Variants in ARL1 observed in about 807,000 individuals in gnomAD.
ARL1 encodes ADP-ribosylation factor-like protein 1.
Under a neutral mutation model 30.1 loss-of-function variants are expected in ARL1, and 17 were observed. That is an observed-to-expected ratio of 0.56 (90% CI 0.39 to 0.85). The LOEUF is 0.85. Among genes scored for constraint, ARL1 ranks in the 40% least tolerant of loss-of-function variants. The pLI, the probability that ARL1 is intolerant of heterozygous loss-of-function variation, is 0.00. For missense variants in ARL1, 102 were observed against 212.6 expected (o/e 0.48, Z 3.24); for synonymous variants, 58 against 71.7 (o/e 0.81, Z 0.97).
chr12:101,407,724 A>C lies in ARL1; in HGVS notation c.-79T>G. 2.5e-6 allele frequency: 4 copies of C among 1,602,078 alleles called. No homozygotes were observed. The South Asian group carries it at 4.4e-5, about 18-fold the overall frequency. ...TGCAGCTCCGAGGCGGTTTCCTCGC[A>C]AGCCCAGTCAGCCAGCAACTTCCAC... On this transcript the variant is annotated 5_prime_UTR_variant, in exon 1 of 6. Transcript: ENST00000261636.
At chr12:101,406,802 T>C (rs4359261) in intron 1 of ARL1, among the ~76,000 whole-genome samples, 20,043 of 152,222 alleles carry the variant, frequency 0.13, 1,507 homozygotes, top group Middle Eastern at 0.24. Context: ...CTTTCTACCA[T>C]TTACAGGTAG....
At chr12:101,407,327 GT>G (rs775691685) in intron 1 of ARL1, 1 of 357,524 alleles carries the variant, frequency 2.8e-6, no homozygotes, top group South Asian at 1.4e-4. Context: ...TGCCCAGCAA[GT>G]GGAGCTGGGG....
intron 4 of ARL1, 120 bp downstream of exon 4, chr12:101,400,942 A>T (rs1871289195): frequency 1.4e-6 from 1 of 692,758 alleles, no homozygotes; most frequent in East Asian, 2.8e-5. Flanking sequence ...AATCATTTCC[A>T]TAAAAGAAAA....
At chr12:101,407,487 G>A (rs140358442) in intron 1 of ARL1, 155 bp downstream of exon 1, 19 of 960,550 alleles carry the variant, frequency 2.0e-5, no homozygotes, top group Non-Finnish European at 2.8e-5. Context: ...CACCCCTACA[G>A]ATGAAGATCC....
chr12:101,399,333 G>T (rs1871237970), intron 4 of ARL1, among the ~76,000 whole-genome samples: 1 of 151,796 alleles, frequency 6.6e-6, no homozygotes, highest in Non-Finnish European at 1.5e-5. Context: ...CCAACATGGT[G>T]AAACCCCATC....
chr12:101,394,760 T>C lies in ARL1; in HGVS notation c.*880A>G, dbSNP rs886370284. 1.3e-5 allele frequency: 2 copies of C among 152,236 alleles called. No homozygotes were observed. The highest frequency in any genetic ancestry group is 2.1e-4 in the South Asian group (1 of 4,834). 9.4% of individuals were successfully genotyped at this position (152,236 alleles called of 1,614,324 possible). A position where few individuals can be genotyped will look rare whatever the true frequency, so the allele number is the denominator to read the frequency against. On this transcript the variant is annotated 3_prime_UTR_variant, in exon 6 of 6. Coordinates refer to ENST00000261636, the MANE Select transcript of ARL1 (RefSeq NM_001177.6). ...TAGACAAATAAATTTATAAACATTA[T>C]TTTGAATGTAACTAATTAGCATAAT... is the stretch of plus-strand genomic sequence containing the variant.
intron 5 of ARL1, chr12:101,396,079 G>C (rs1440930324): frequency 1.7e-6 from 1 of 580,274 alleles, no homozygotes; most frequent in Non-Finnish European, 3.0e-6. Flanking sequence ...TAGGAATAGA[G>C]ATACATTAGG....
rs1871078899 is a variant in ARL1 at position 101,393,953 on chromosome 12, G to T, written c.*1687C>A. 1 of 151,360 alleles carries T rather than the reference G, an allele frequency of 6.6e-6. No homozygotes were observed. Among genetic ancestry groups the T allele is most frequent in the Admixed American group, 6.6e-5 (1 of 15,068 alleles). The allele number at this position is 151,360 out of a possible 1,614,324, so 9.4% of individuals were successfully genotyped here. A position where few individuals can be genotyped will look rare whatever the true frequency, so the allele number is the denominator to read the frequency against. The stretch of plus-strand genomic sequence containing the variant: ...ACTGTTTCAACTATGAACATATTCT[G>T]AAATGCCATATGCCAGGCGCCATAC... On this transcript the variant is annotated 3_prime_UTR_variant, in exon 6 of 6. Coordinates refer to ENST00000261636, the MANE Select transcript of ARL1 (RefSeq NM_001177.6).
chr12:101,396,373 A>G, intron 5 of ARL1, 26 bp downstream of exon 5: 2 of 1,613,932 alleles, frequency 1.2e-6, no homozygotes, highest in South Asian at 2.2e-5. Flanking sequence ...AAATGCACAG[A>G]TGGCTTCTGG....
In ARL1 at chr12:101,405,829, C is replaced by A; in HGVS notation, c.142+15G>T. Reference sequence around the variant, plus strand: ...CAGAAAGTCCCTACAATTAGCTCATCATACCAACACTTACTAGGTATAGTA... The same window carrying A: ...CAGAAAGTCCCTACAATTAGCTCATAATACCAACACTTACTAGGTATAGTA... On this transcript the variant is annotated intron_variant, in intron 2 of 5. Transcript: ENST00000261636. 1 of 1,535,020 alleles carries A rather than the reference C, an allele frequency of 6.5e-7. No homozygotes were observed. Among genetic ancestry groups the A allele is most frequent in the South Asian group, 1.3e-5 (1 of 78,638 alleles).
intron 2 of ARL1, 26 bp from the exon 3 acceptor site, chr12:101,402,972 A>G: frequency 6.5e-7 from 1 of 1,538,708 alleles, no homozygotes; most frequent in Non-Finnish European, 9.0e-7. Flanking sequence ...AATCAGTGGT[A>G]TGTGTAGACT....
At chr12:101,397,494 C>T (rs530729763) in intron 4 of ARL1, among the ~76,000 whole-genome samples, 45 of 151,820 alleles carry the variant, frequency 3.0e-4, no homozygotes, top group Non-Finnish European at 2.1e-4. Flanking sequence ...GAGACCCTGT[C>T]TCTTTTTTTT....
At chr12:101,396,189 G>T in intron 5 of ARL1, 1 of 641,386 alleles carries the variant, frequency 1.6e-6, no homozygotes, top group African/African-American at 1.8e-5. Flanking sequence ...CAAAGAATTT[G>T]CTTATCTAAG....
intron 4 of ARL1, among the ~76,000 whole-genome samples, chr12:101,397,300 C>T (rs1055320178): frequency 7.2e-5 from 11 of 151,978 alleles, no homozygotes; most frequent in African/African-American, 2.4e-5. Context: ...CTAGGGTATT[C>T]GAAATGCACA....
At chr12:101,402,789 G>T in intron 3 of ARL1, 76 bp downstream of exon 3, 2 of 948,644 alleles carry the variant, frequency 2.1e-6, no homozygotes, top group South Asian at 1.9e-5. Context: ...ACACATATTC[G>T]GGTTTACTGA....
chr12:101,397,228 T>C (rs908512992), intron 4 of ARL1, among the ~76,000 whole-genome samples: 8 of 152,212 alleles, frequency 5.3e-5, no homozygotes, highest in Non-Finnish European at 1.2e-4. Flanking sequence ...CCATCTTCAA[T>C]GCAGCCTTTG....
intron 2 of ARL1, 46 bp from the exon 3 acceptor site, chr12:101,402,992 C>T (rs1871344890): frequency 1.5e-6 from 2 of 1,318,140 alleles, no homozygotes; most frequent in Non-Finnish European, 2.1e-6. Context: ...TAATACATTC[C>T]ACCTTCAAAA....
chr12:101,405,188 AG>A (rs1367972573), intron 2 of ARL1, among the ~76,000 whole-genome samples: 6 of 152,082 alleles, frequency 3.9e-5, no homozygotes, highest in Admixed American at 2.0e-4. Context: ...GATATTTTTA[AG>A]GTACCAAATT....
chr12:101,397,571 C>T (rs185622439), intron 4 of ARL1, among the ~76,000 whole-genome samples: 7 of 151,776 alleles, frequency 4.6e-5, no homozygotes, highest in Non-Finnish European at 8.8e-5. Context: ...GCAATCTTGG[C>T]TCACTGCAGC....
Sources: allele counts gnomAD v4.1 joint callset (sites outside exome capture counted in the v4.1 genomes callset), GRCh38; gene constraint gnomAD v4.1.1; transcripts MANE v1.5; gene names NCBI Gene and HGNC (gene_info 2026-07-23, HGNC 2026-07-21).